The following NEGR1 variants were observed in gnomAD, a reference collection of about 807,000 sequenced individuals.
The protein encoded by NEGR1 is IgLON family member 4.
In NEGR1, 10 loss-of-function variants were observed where a neutral mutation model predicts 40.9. That is an observed-to-expected ratio of 0.24 (90% CI 0.15 to 0.42). NEGR1 has a LOEUF of 0.42. NEGR1 is among the 10% of genes least tolerant of loss of function. The pLI, the probability that NEGR1 is intolerant of heterozygous loss-of-function variation, is 1.00. For synonymous variants in NEGR1, 185 were observed against 166.8 expected, an observed-to-expected ratio of 1.11 and a Z score of -0.84; for missense variants, 352 against 438.9, an observed-to-expected ratio of 0.80 and a Z score of 1.77.
chr1:71,551,394 T>G (rs189610344), intron 6 of NEGR1, among the ~76,000 whole-genome samples: 52 of 151,714 alleles, frequency 3.4e-4, no homozygotes, highest in Non-Finnish European at 6.1e-4. Flanking sequence ...CAGCCATACA[T>G]GTACATATAC....
At chr1:71,795,540 G>A (rs975309858) in intron 2 of NEGR1, among the ~76,000 whole-genome samples, 1 of 151,952 alleles carries the variant, frequency 6.6e-6, no homozygotes, top group Admixed American at 6.6e-5. Flanking sequence ...TTTATCCATG[G>A]AATCTCTGTA....
intron 3 of NEGR1, among the ~76,000 whole-genome samples, chr1:71,731,210 C>T (rs1654855190): frequency 6.6e-6 from 1 of 152,016 alleles, no homozygotes; most frequent in Non-Finnish European, 1.5e-5. Flanking sequence ...GGTATGTATT[C>T]TAGAGCTTCT....
intron 1 of NEGR1, among the ~76,000 whole-genome samples, chr1:72,170,087 T>C (rs1334995087): frequency 6.6e-6 from 1 of 152,154 alleles, no homozygotes; most frequent in Admixed American, 6.6e-5. Flanking sequence ...TTTTATAAAA[T>C]TCTAAGTATA....
At position 71,551,134 on chromosome 1, in the gene NEGR1, C is replaced by T. The variant is rs553772359; in HGVS notation, c.940+41683G>A. On this transcript the variant is annotated intron_variant, in intron 6 of 6. Coordinates refer to ENST00000357731, the MANE Select transcript of NEGR1 (RefSeq NM_173808.3). ...CAGTGGAATTTCTCCTAGCTTAACA[C>T]AAAAATGCAAGCATGATTCTTTTAC... 5.7e-4 allele frequency among the ~76,000 whole-genome samples: 86 copies of T among 151,578 alleles called. No individual in the cohort carries two copies. The Middle Eastern group carries it at 0.01, about 18-fold the overall frequency.
In NEGR1 at chr1:71,590,040, G is replaced by A. The variant is rs959891115; in HGVS notation, c.940+2777C>T. Among the ~76,000 whole-genome samples the A allele has an allele frequency of 3.9e-5, 6 of 152,114 alleles. No homozygotes were observed. In the South Asian group the frequency reaches 6.2e-4, roughly 16 times the overall value. On this transcript the variant is annotated intron_variant, in intron 6 of 6. Transcript: ENST00000357731. ...CATACTGCCATGTCTTTACATGAGC[G>A]GTTCAACACTAGAGTGCTTGCCTCT...
At chr1:72,201,000 A>G (rs905865482) in intron 1 of NEGR1, among the ~76,000 whole-genome samples, 2 of 151,882 alleles carry the variant, frequency 1.3e-5, no homozygotes, top group East Asian at 3.9e-4. Flanking sequence ...CTTATATACT[A>G]TTATAAAATG....
At chr1:71,419,776 T>C (rs1305154695) in intron 6 of NEGR1, among the ~76,000 whole-genome samples, 1 of 152,064 alleles carries the variant, frequency 6.6e-6, no homozygotes, top group Non-Finnish European at 1.5e-5. Context: ...CAAGACTCTA[T>C]TGCTGCCTAA....
At chr1:71,474,525 C>T (rs1217102218) in intron 6 of NEGR1, among the ~76,000 whole-genome samples, 1 of 143,342 alleles carries the variant, frequency 7.0e-6, no homozygotes, top group Non-Finnish European at 1.5e-5. Flanking sequence ...AATACACACA[C>T]ACACACACAC....
chr1:72,041,974 A>G (rs1050386802), intron 1 of NEGR1, among the ~76,000 whole-genome samples: 2 of 138,230 alleles, frequency 1.4e-5, no homozygotes, highest in South Asian at 2.3e-4. Flanking sequence ...ATATAAATAT[A>G]TAATACATAT....
At chr1:71,981,275 G>A (rs1646352150) in intron 1 of NEGR1, among the ~76,000 whole-genome samples, 1 of 152,100 alleles carries the variant, frequency 6.6e-6, no homozygotes, top group African/African-American at 2.4e-5. Flanking sequence ...TGTTGCCTAA[G>A]GAAAATTTTG....
At chr1:71,608,060 C>A (rs1246584652) in intron 5 of NEGR1, among the ~76,000 whole-genome samples, 2 of 152,192 alleles carry the variant, frequency 1.3e-5, no homozygotes, top group Non-Finnish European at 2.9e-5. Flanking sequence ...TGAGCGCAAC[C>A]ATTCAGCAAC....
chr1:71,981,552 T>C (rs745761169), intron 1 of NEGR1, among the ~76,000 whole-genome samples: 4 of 152,070 alleles, frequency 2.6e-5, no homozygotes, highest in Non-Finnish European at 5.9e-5. Context: ...GATGAGATTA[T>C]TGAAAAGATA....
intron 3 of NEGR1, among the ~76,000 whole-genome samples, chr1:71,753,578 A>G (rs1655637718): frequency 6.6e-6 from 1 of 152,202 alleles, no homozygotes; most frequent in South Asian, 2.1e-4. Flanking sequence ...CATTTGCTAT[A>G]GGGAATCACT....
chr1:71,654,997 T>C (rs1201402661), intron 4 of NEGR1, among the ~76,000 whole-genome samples: 2 of 152,158 alleles, frequency 1.3e-5, no homozygotes, highest in African/African-American at 4.8e-5. Flanking sequence ...TATATACATT[T>C]GAATTTTGTG....
At chr1:71,981,176 T>C (rs1248108164) in intron 1 of NEGR1, among the ~76,000 whole-genome samples, 3 of 152,200 alleles carry the variant, frequency 2.0e-5, no homozygotes, top group African/African-American at 7.2e-5. Context: ...TGGAAAGCTA[T>C]AATTCTACGT....
chr1:72,210,488 G>A (rs1653561469), intron 1 of NEGR1, among the ~76,000 whole-genome samples: 1 of 151,888 alleles, frequency 6.6e-6, no homozygotes, highest in Admixed American at 6.6e-5. Flanking sequence ...ATTACTTTAA[G>A]GAATAACTGA....
At chr1:72,110,893 T>C (rs1569981425) in intron 1 of NEGR1, among the ~76,000 whole-genome samples, 1 of 151,476 alleles carries the variant, frequency 6.6e-6, no homozygotes, top group Non-Finnish European at 1.5e-5. Flanking sequence ...ATAATCAAGA[T>C]ACAGTCAGTC....
chr1:72,172,951 A>G (rs1652018042), intron 1 of NEGR1, among the ~76,000 whole-genome samples: 2 of 152,026 alleles, frequency 1.3e-5, no homozygotes, highest in Admixed American at 1.3e-4. Context: ...GCCCACCTGA[A>G]TAATCCAGGA....
chr1:72,216,374 T>C (rs1272165960), intron 1 of NEGR1, among the ~76,000 whole-genome samples: 1 of 103,096 alleles, frequency 9.7e-6, no homozygotes, highest in African/African-American at 4.4e-5. Flanking sequence ...TTGGAAGTTA[T>C]ATATATATAC....
Sources: gnomAD v4.1 joint callset for allele counts (sites outside exome capture counted in the v4.1 genomes callset) on GRCh38, gnomAD v4.1.1 for gene constraint, MANE v1.5 for transcripts, NCBI Gene and HGNC (gene_info 2026-07-23, HGNC 2026-07-21) for gene names.